MAGI2: variants seen among roughly 807,000 people sequenced by gnomAD.
MAGI2 encodes the protein membrane-associated guanylate kinase, WW and PDZ domain-containing protein 2.
In MAGI2, 35 loss-of-function variants were observed where a neutral mutation model predicts 133.3. The ratio of observed to expected loss-of-function variants is 0.26; its 90% CI spans 0.20 to 0.35. MAGI2 has a LOEUF of 0.35. Among genes scored for constraint, MAGI2 ranks in the 10% least tolerant of loss-of-function variants. The probability of loss-of-function intolerance (pLI) is 1.00; values close to 1 mark genes in which losing one functional copy is unlikely to be tolerated. For synonymous variants in MAGI2, 729 were observed against 710.6 expected, an observed-to-expected ratio of 1.03 and a Z score of -0.41; for missense variants, 1,636 against 1,863.4, an observed-to-expected ratio of 0.88 and a Z score of 2.25.
chr7:78,651,152 T>TG (rs1401116409), intron 2 of MAGI2, among the ~76,000 whole-genome samples: 1 of 152,136 alleles, frequency 6.6e-6, no homozygotes, highest in Non-Finnish European at 1.5e-5. Flanking sequence ...CATGAGGCTT[T>TG]GAAGTAGTTT....
intron 1 of MAGI2, among the ~76,000 whole-genome samples, chr7:79,013,195 T>C (rs377597051): frequency 1.2e-4 from 16 of 129,600 alleles, no homozygotes; most frequent in African/African-American, 4.3e-4. Flanking sequence ...AACCAAATTA[T>C]TTTACTATTT....
chr7:78,490,269 A>G (rs73374255), intron 5 of MAGI2, among the ~76,000 whole-genome samples: 2,189 of 152,196 alleles, frequency 0.014, 62 homozygotes, highest in African/African-American at 0.05. Flanking sequence ...CTTTAGCTAC[A>G]GAGCTGGCAG....
chr7:78,023,095 C>T (rs867777291), intron 21 of MAGI2, among the ~76,000 whole-genome samples: 8 of 151,786 alleles, frequency 5.3e-5, no homozygotes, highest in African/African-American at 7.3e-5. Flanking sequence ...TGTCCAGGCA[C>T]GAGCCTGCAA....
intron 1 of MAGI2, among the ~76,000 whole-genome samples, chr7:79,285,443 G>A (rs1835930099): frequency 6.6e-6 from 1 of 151,994 alleles, no homozygotes; most frequent in Non-Finnish European, 1.5e-5. Flanking sequence ...CAGTGTGCCT[G>A]AGAAAAAGAT....
At chr7:78,183,234 A>G (rs1827353209) in intron 13 of MAGI2, among the ~76,000 whole-genome samples, 1 of 151,796 alleles carries the variant, frequency 6.6e-6, no homozygotes, top group South Asian at 2.1e-4. Context: ...AACATGGGGC[A>G]TCTACTTATT....
intron 1 of MAGI2, among the ~76,000 whole-genome samples, chr7:79,232,489 CAG>C (rs1258037260): frequency 6.9e-6 from 1 of 143,996 alleles, no homozygotes; most frequent in African/African-American, 2.6e-5. Flanking sequence ...TTGGTCTATT[CAG>C]AGATTCAACT....
intron 2 of MAGI2, among the ~76,000 whole-genome samples, chr7:78,838,600 T>C (rs1247804105): frequency 6.6e-6 from 1 of 151,948 alleles, no homozygotes; most frequent in Non-Finnish European, 1.5e-5. Context: ...AGGAAATTCT[T>C]ATGGCCAAAC....
chr7:78,432,758 G>C (rs1352750384), intron 6 of MAGI2, among the ~76,000 whole-genome samples: 3 of 151,664 alleles, frequency 2.0e-5, no homozygotes. Flanking sequence ...GTGCCATATA[G>C]TTTAAAAATT....
chr7:79,323,763 T>A (rs982525745), intron 1 of MAGI2, among the ~76,000 whole-genome samples: 7 of 152,102 alleles, frequency 4.6e-5, no homozygotes, highest in African/African-American at 1.7e-4. Context: ...TGGTACAGTT[T>A]CAGGTGAGAA....
intron 3 of MAGI2, among the ~76,000 whole-genome samples, chr7:78,540,151 TTA>T (rs1375689197): frequency 5.3e-5 from 8 of 152,142 alleles, no homozygotes; most frequent in Non-Finnish European, 8.8e-5. Flanking sequence ...ACCCAAAAGT[TTA>T]TGTCTTTCGT....
intron 2 of MAGI2, among the ~76,000 whole-genome samples, chr7:78,645,640 G>GCT (rs1554511144): frequency 6.8e-6 from 1 of 147,348 alleles, no homozygotes; most frequent in South Asian, 2.2e-4. Flanking sequence ...ATATAAGTGT[G>GCT]GTGTGTGTGT....
chr7:78,220,118 CTCTG>C (rs1214634933), intron 10 of MAGI2, among the ~76,000 whole-genome samples: 1 of 152,196 alleles, frequency 6.6e-6, no homozygotes, highest in Non-Finnish European at 1.5e-5. Context: ...CCTCAGAGCC[CTCTG>C]TCTGTCTGCC....
intron 20 of MAGI2, among the ~76,000 whole-genome samples, chr7:78,079,950 A>G (rs1267942858): frequency 6.6e-6 from 1 of 152,258 alleles, no homozygotes; most frequent in Non-Finnish European, 1.5e-5. Flanking sequence ...CAAGTAACAT[A>G]AGACAAATTA....
intron 9 of MAGI2, among the ~76,000 whole-genome samples, chr7:78,285,130 T>C (rs1035337730): frequency 6.6e-6 from 1 of 152,026 alleles, no homozygotes; most frequent in Non-Finnish European, 1.5e-5. Context: ...CTGTTTCTAG[T>C]ACATGGATTC....
chr7:78,140,289 T>C (rs941025373), intron 16 of MAGI2, among the ~76,000 whole-genome samples: 7 of 152,200 alleles, frequency 4.6e-5, no homozygotes, highest in South Asian at 2.1e-4. Flanking sequence ...CTCTCCTCTT[T>C]CCTCATTATT....
At chr7:79,380,836 A>G (rs1270822543) in intron 1 of MAGI2, among the ~76,000 whole-genome samples, 1 of 151,788 alleles carries the variant, frequency 6.6e-6, no homozygotes, top group African/African-American at 2.4e-5. Flanking sequence ...AAGTACTTCA[A>G]AGTAATTATT....
chr7:79,284,313 T>C (rs1395354602), intron 1 of MAGI2, among the ~76,000 whole-genome samples: 1 of 152,082 alleles, frequency 6.6e-6, no homozygotes, highest in Admixed American at 6.6e-5. Flanking sequence ...AATAAATCCA[T>C]AGGCCCTTAC....
At chr7:79,339,226 G>A (rs1355557040) in intron 1 of MAGI2, among the ~76,000 whole-genome samples, 2 of 152,040 alleles carry the variant, frequency 1.3e-5, no homozygotes, top group African/African-American at 2.4e-5. Context: ...ATGCCAAATT[G>A]TCAAACATTT....
chr7:79,166,502 A>C lies in MAGI2; in HGVS notation c.302-159296T>G, dbSNP rs1310104918. On this transcript the variant is annotated intron_variant, in intron 1 of 21. Transcript: ENST00000354212. ...AGCCTGATGAGACCCTGGGCAGAGA[A>C]CTCAGCTAACCAGTGTCTAGACTCT... is the stretch of plus-strand genomic sequence containing the variant. Among the ~76,000 whole-genome samples, 3 of 152,076 alleles carry C rather than the reference A, an allele frequency of 2.0e-5. No individual in the cohort carries two copies. The East Asian group carries it at 5.8e-4, about 29-fold the overall frequency.
Sources: gnomAD v4.1 joint callset for allele counts (sites outside exome capture counted in the v4.1 genomes callset) on GRCh38, gnomAD v4.1.1 for gene constraint, MANE v1.5 for transcripts, NCBI Gene and HGNC (gene_info 2026-07-23, HGNC 2026-07-21) for gene names.